The following PCDH15 variants were observed in gnomAD, a reference collection of about 807,000 sequenced individuals.
PCDH15 encodes the protein protocadherin-15.
In PCDH15, 129 loss-of-function variants were observed where a neutral mutation model predicts 178.5. The ratio of observed to expected loss-of-function variants is 0.72; its 90% CI spans 0.63 to 0.84. The LOEUF (loss-of-function observed/expected upper bound fraction) is 0.84, where lower values mean the gene tolerates loss of function less well. Ranked by LOEUF, PCDH15 falls within the 40% of genes least tolerant of loss-of-function variation. The pLI is 0.00. For missense variants in PCDH15, 2,230 were observed against 2,099.9 expected (o/e 1.06, Z -1.21); for synonymous variants, 800 against 732.0 (o/e 1.09, Z -1.50).
chr10:54,073,308 T>C (rs992678369), intron 17 of PCDH15, among the ~76,000 whole-genome samples: 1 of 151,644 alleles, frequency 6.6e-6, no homozygotes, highest in African/African-American at 2.4e-5. Context: ...TTACATATAT[T>C]GTAAAGATTC....
chr10:55,178,478 C>A (rs947855661), intron 1 of PCDH15, among the ~76,000 whole-genome samples: 1 of 152,158 alleles, frequency 6.6e-6, no homozygotes, highest in African/African-American at 2.4e-5. Flanking sequence ...AAATCCTTCA[C>A]CAAGCCTTCC....
At chr10:53,890,168 C>T (rs1161164003) in intron 26 of PCDH15, among the ~76,000 whole-genome samples, 4 of 152,218 alleles carry the variant, frequency 2.6e-5, no homozygotes, top group Non-Finnish European at 5.9e-5. Context: ...TGGCTCATGC[C>T]TGTAATCCCA....
At chr10:54,326,299 T>C (rs1426323996) in intron 7 of PCDH15, among the ~76,000 whole-genome samples, 5 of 152,182 alleles carry the variant, frequency 3.3e-5, no homozygotes, top group Non-Finnish European at 7.3e-5. Context: ...AAGTGTGATA[T>C]GTCACAACAC....
intron 3 of PCDH15, among the ~76,000 whole-genome samples, chr10:54,439,889 T>G (rs2075687031): frequency 6.6e-6 from 1 of 152,050 alleles, no homozygotes; most frequent in Non-Finnish European, 1.5e-5. Flanking sequence ...TTTGAACATT[T>G]ATGGGCAATA....
At chr10:55,448,335 A>T (rs1174778477) in intron 2 of PCDH15, among the ~76,000 whole-genome samples, 1 of 151,962 alleles carries the variant, frequency 6.6e-6, no homozygotes, top group East Asian at 1.9e-4. Context: ...TGTAATAAAT[A>T]TCTCATCTGT....
At chr10:54,970,524 A>G (rs974105527) in intron 2 of PCDH15, among the ~76,000 whole-genome samples, 3 of 152,206 alleles carry the variant, frequency 2.0e-5, no homozygotes, top group Non-Finnish European at 4.4e-5. Context: ...AATGAGAAAC[A>G]AAGTACAGTA....
At chr10:55,022,494 C>T (rs1274423192) in intron 2 of PCDH15, among the ~76,000 whole-genome samples, 5 of 150,346 alleles carry the variant, frequency 3.3e-5, no homozygotes, top group Admixed American at 3.3e-4. Context: ...TGTATTCTTA[C>T]CACAAAAATG....
intron 1 of PCDH15, among the ~76,000 whole-genome samples, chr10:54,665,385 G>C (rs1260680733): frequency 1.3e-5 from 2 of 151,970 alleles, no homozygotes; most frequent in East Asian, 1.9e-4. Flanking sequence ...AAGACTAAAT[G>C]CTTCTAGCAG....
intron 18 of PCDH15, among the ~76,000 whole-genome samples, chr10:54,045,833 T>A (rs551655961): frequency 6.6e-6 from 1 of 152,236 alleles, no homozygotes; most frequent in Admixed American, 6.5e-5. Context: ...AAATGATGGA[T>A]AAATTTGATA....
chr10:54,312,225 A>G (rs917005545), intron 8 of PCDH15, among the ~76,000 whole-genome samples: 1 of 152,144 alleles, frequency 6.6e-6, no homozygotes, highest in Admixed American at 6.6e-5. Context: ...GAATAAAAGT[A>G]CAGACATAAA....
intron 25 of PCDH15, among the ~76,000 whole-genome samples, chr10:53,916,542 G>A (rs568926368): frequency 9.6e-4 from 146 of 151,952 alleles, no homozygotes; most frequent in Non-Finnish European, 1.7e-3. Context: ...GAGAAAAAAA[G>A]ACACTATTTT....
chr10:54,873,594 T>C (rs1954079428), intron 3 of PCDH15, among the ~76,000 whole-genome samples: 1 of 147,534 alleles, frequency 6.8e-6, no homozygotes, highest in Non-Finnish European at 1.5e-5. Context: ...ATATGTTGGC[T>C]CTAGTTGCTT....
At chr10:54,137,050 C>A (rs956123637) in intron 14 of PCDH15, among the ~76,000 whole-genome samples, 4 of 152,114 alleles carry the variant, frequency 2.6e-5, no homozygotes, top group Non-Finnish European at 4.4e-5. Flanking sequence ...AGCACAGTGT[C>A]AGAGTTAGCT....
chr10:54,298,201 T>C (rs1314069390), intron 8 of PCDH15, among the ~76,000 whole-genome samples: 1 of 152,146 alleles, frequency 6.6e-6, no homozygotes, highest in African/African-American at 2.4e-5. Flanking sequence ...TACACTCCAC[T>C]GTCAACTGAC....
At chr10:55,336,325 C>T (rs946710466) in intron 2 of PCDH15, among the ~76,000 whole-genome samples, 1 of 151,626 alleles carries the variant, frequency 6.6e-6, no homozygotes, top group East Asian at 2.0e-4. Flanking sequence ...TGGTGAAACC[C>T]CCTCTCTACT....
Position 54,468,836 on chromosome 10 carries a change from T to A in PCDH15, c.157+58976A>T, listed in dbSNP as rs192405763. Reference sequence around the variant, plus strand: ...TTATATGTCTGGGTGCTCCAGTGTTTGCTGTGCATATATTTACAGTTGTTA... The same window carrying A: ...TTATATGTCTGGGTGCTCCAGTGTTAGCTGTGCATATATTTACAGTTGTTA... On this transcript the variant is annotated intron_variant, in intron 3 of 37. Transcript: ENST00000644397. Among the ~76,000 whole-genome samples, 10 of 152,306 alleles carry A rather than the reference T, an allele frequency of 6.6e-5. No individual in the cohort carries two copies. The East Asian group carries it at 1.9e-3, about 29-fold the overall frequency.
intron 1 of PCDH15, among the ~76,000 whole-genome samples, chr10:54,722,155 T>TA (rs997243785): frequency 6.6e-6 from 1 of 151,776 alleles, no homozygotes; most frequent in Non-Finnish European, 1.5e-5. Context: ...ATTCATCTGA[T>TA]AAAATCAACA....
intron 2 of PCDH15, chr10:54,655,923 A>C (rs1001454649): frequency 3.9e-5 from 6 of 152,182 alleles, no homozygotes; most frequent in Non-Finnish European, 8.8e-5. Flanking sequence ...GAAAGTAACA[A>C]TGGTATTTCT....
At chr10:54,122,233 G>A (rs2041595036) in intron 15 of PCDH15, among the ~76,000 whole-genome samples, 1 of 151,876 alleles carries the variant, frequency 6.6e-6, no homozygotes, top group African/African-American at 2.4e-5. Context: ...CAGTAAATGT[G>A]ATCCGATCAC....
Sources: allele counts gnomAD v4.1 joint callset (sites outside exome capture counted in the v4.1 genomes callset), GRCh38; gene constraint gnomAD v4.1.1; transcripts MANE v1.5; gene names NCBI Gene and HGNC (gene_info 2026-07-23, HGNC 2026-07-21).